The following AATF variants were observed in gnomAD, a reference collection of about 807,000 sequenced individuals.
AATF encodes the protein protein AATF.
A neutral mutation model predicts 63.7 loss-of-function variants in AATF; 48 were observed. The observed-to-expected ratio is 0.75, with a 90% CI of 0.60 to 0.96. AATF has a LOEUF of 0.96. AATF is among the 40% of genes least tolerant of loss of function. The pLI, the probability that AATF is intolerant of heterozygous loss-of-function variation, is 0.00. For missense variants in AATF, 639 were observed against 685.7 expected (o/e 0.93, Z 0.76); for synonymous variants, 258 against 247.7 (o/e 1.04, Z -0.39).
In AATF at chr17:37,005,863, C is replaced by T. The variant is rs1597722344; in HGVS notation, c.1399-13142C>T. The stretch of plus-strand genomic sequence containing the variant: ...GCATGGCTTGCTGGGTACAGTGGCT[C>T]ACTCCTGCAATCCCAACACTTTGGG... On this transcript the variant is annotated intron_variant, in intron 8 of 11. Coordinates refer to ENST00000619387, the MANE Select transcript of AATF (RefSeq NM_012138.4). Among the ~76,000 whole-genome samples, 5 of 152,252 alleles carry T rather than the reference C, an allele frequency of 3.3e-5. 1 individual carries two copies. Among genetic ancestry groups the T allele is most frequent in the Admixed American group, 3.3e-4 (5 of 15,296 alleles).
In AATF at chr17:36,988,769, T is replaced by G. The variant is rs777258349; in HGVS notation, c.1149+49T>G. On this transcript the variant is annotated intron_variant, in intron 6 of 11. Coordinates refer to ENST00000619387, the MANE Select transcript of AATF (RefSeq NM_012138.4). ...TATGTGTAAGATAGGTTGTGGCAAC[T>G]TGAAGAAGTTTTAAGAAATTGGAAC... 4 of 1,564,468 alleles carry G rather than the reference T, an allele frequency of 2.6e-6. No individual in the cohort carries two copies. The African/African-American group carries it at 5.5e-5, about 21-fold the overall frequency.
intron 4 of AATF, among the ~76,000 whole-genome samples, chr17:36,958,420 CT>C (rs1230098743): frequency 6.6e-6 from 1 of 152,114 alleles, no homozygotes; most frequent in African/African-American, 2.4e-5. Context: ...CCACCTTGGC[CT>C]CTCAAAGTGC....
chr17:37,006,767 C>G lies in AATF; in HGVS notation c.1399-12238C>G, dbSNP rs115836780. Among the ~76,000 whole-genome samples the G allele has an allele frequency of 5.4e-3, 819 of 152,286 alleles. 6 individuals are homozygous for G. The highest frequency in any genetic ancestry group is 0.017 in the African/African-American group (727 of 41,566). ...GGCCAAGCTTAGTGAAATATTATGG[C>G]CTTTGAAGTATTTTAGGGCTTGTGC... On this transcript the variant is annotated intron_variant, in intron 8 of 11. Coordinates refer to ENST00000619387, the MANE Select transcript of AATF (RefSeq NM_012138.4).
At chr17:36,999,204 T>A (rs1411532313) in intron 8 of AATF, 1 of 152,184 alleles carries the variant, frequency 6.6e-6, no homozygotes, top group Non-Finnish European at 1.5e-5. Flanking sequence ...AGAGGGTTCA[T>A]TTTGCTATTG....
intron 11 of AATF, among the ~76,000 whole-genome samples, chr17:37,036,571 TAAGA>T (rs2071593930): frequency 1.3e-5 from 2 of 152,120 alleles, no homozygotes; most frequent in Non-Finnish European, 2.9e-5. Flanking sequence ...TTTCTCACGC[TAAGA>T]ATTTTTCTCT....
At chr17:37,005,985 A>T (rs910111100) in intron 8 of AATF, among the ~76,000 whole-genome samples, 6 of 152,050 alleles carry the variant, frequency 3.9e-5, no homozygotes, top group African/African-American at 7.2e-5. Context: ...CAGTAAAAAA[A>T]GTAACCAGGC....
intron 4 of AATF, among the ~76,000 whole-genome samples, chr17:36,956,931 G>A (rs2070905960): frequency 1.3e-5 from 2 of 151,980 alleles, no homozygotes; most frequent in African/African-American, 2.4e-5. Flanking sequence ...AGCTGAGATC[G>A]TGCTAGTGCA....
chr17:37,040,106 A>G (rs1410018521), intron 11 of AATF, among the ~76,000 whole-genome samples: 1 of 152,044 alleles, frequency 6.6e-6, no homozygotes, highest in African/African-American at 2.4e-5. Context: ...TTTTATTATT[A>G]TTGGCTTTCT....
At position 36,989,423 on chromosome 17, in the gene AATF, G is replaced by C. The variant is rs2071196393; in HGVS notation, c.1314+12G>C. The C allele has an allele frequency of 6.3e-7, 1 of 1,595,806 alleles. No individual in the cohort carries two copies. On this transcript the variant is annotated intron_variant, in intron 7 of 11. Transcript: ENST00000619387. Reference sequence around the variant, plus strand: ...TGCCAGGGGAACCGGTAAGAACTCTGTAATGCAGAGTGATTATGGGGAATA... The same window carrying C: ...TGCCAGGGGAACCGGTAAGAACTCTCTAATGCAGAGTGATTATGGGGAATA...
At chr17:37,002,907 T>G (rs1410326982) in intron 8 of AATF, among the ~76,000 whole-genome samples, 2 of 115,068 alleles carry the variant, frequency 1.7e-5, no homozygotes, top group Non-Finnish European at 4.2e-5. Context: ...GTTGCTGTTT[T>G]TTTTTTTTTT....
At chr17:36,976,134 A>G (rs926391947) in intron 4 of AATF, among the ~76,000 whole-genome samples, 1 of 152,108 alleles carries the variant, frequency 6.6e-6, no homozygotes, top group African/African-American at 2.4e-5. Flanking sequence ...TGGGGAGGGA[A>G]GTTTTGTCAT....
rs541464038 is a variant in AATF, at chr17:37,003,824, C to T, written c.1398+12967C>T. ...GGTTCAAGAGAGAATGGGAGGAGGC[C>T]GGGCATGGTGGCTCACACCTGTAAT... On this transcript the variant is annotated intron_variant, in intron 8 of 11. Coordinates refer to ENST00000619387, the MANE Select transcript of AATF (RefSeq NM_012138.4). 4.6e-5 allele frequency among the ~76,000 whole-genome samples: 7 copies of T among 150,598 alleles called. No individual in the cohort carries two copies. The East Asian group carries it at 1.0e-3, about 22-fold the overall frequency.
intron 10 of AATF, among the ~76,000 whole-genome samples, chr17:37,022,145 TGTGTGTGA>T (rs1051396771): frequency 0.017 from 2,486 of 150,388 alleles, 75 homozygotes; most frequent in African/African-American, 0.056. Flanking sequence ...TGTGTGTGTG[TGTGTGTGA>T]GAAACACAGT....
chr17:36,985,804 C>T (rs904864885), intron 4 of AATF, among the ~76,000 whole-genome samples: 16 of 152,110 alleles, frequency 1.1e-4, no homozygotes, highest in Admixed American at 8.5e-4. Flanking sequence ...CCGTCTCGGC[C>T]TCCCAAAGTG....
chr17:36,950,275 A>G lies in AATF; in HGVS notation c.153A>G (p.Leu51=), dbSNP rs2070843187. The G allele has an allele frequency of 6.2e-7, 1 of 1,614,158 alleles. No homozygotes were observed. The highest frequency in any genetic ancestry group is 8.5e-7 in the Non-Finnish European group (1 of 1,180,014). ...GGGAAGATGGGGAAGGTGATTTCCT[A>G]GTAGTGGGTAGCATTAGAAAACTGG... is the stretch of plus-strand genomic sequence containing the variant. ...DEGEDGEGDF[L]VVGSIRKLAS... Residue 51 remains leucine (L), a synonymous_variant, in exon 2 of 12, where the codon CTA becomes CTG. Transcript: ENST00000619387.
rs368390651 is a variant in AATF at position 36,982,133 on chromosome 17, G to A, written c.833-4484G>A. The stretch of plus-strand genomic sequence containing the variant: ...CTAACTGGCTTATTTTACTTAGCAT[G>A]ATGTCCCCAAGGTTTATCCATGTTG... On this transcript the variant is annotated intron_variant, in intron 4 of 11. Coordinates refer to ENST00000619387, the MANE Select transcript of AATF (RefSeq NM_012138.4). Among the ~76,000 whole-genome samples the A allele has an allele frequency of 5.9e-5, 9 of 151,674 alleles. 1 individual carries two copies. In the South Asian group the frequency reaches 1.9e-3, roughly 32 times the overall value.
chr17:36,949,529 G>A (rs1034275051), intron 1 of AATF, among the ~76,000 whole-genome samples: 12 of 152,254 alleles, frequency 7.9e-5, no homozygotes, highest in African/African-American at 2.9e-4. Context: ...TAGCAAGTTG[G>A]AAGTTAGCTT....
chr17:37,011,268 G>A (rs535844407), intron 8 of AATF, among the ~76,000 whole-genome samples: 9 of 152,238 alleles, frequency 5.9e-5, no homozygotes, highest in South Asian at 2.1e-4. Flanking sequence ...CCAGCTACTC[G>A]GGAGGCTGAG....
chr17:37,000,090 G>A (rs967780118), intron 8 of AATF: 1 of 152,320 alleles, frequency 6.6e-6, no homozygotes, highest in African/African-American at 2.4e-5. Context: ...ACTGATGGCT[G>A]TGTTAAGAGT....
Sources: allele counts gnomAD v4.1 joint callset (sites outside exome capture counted in the v4.1 genomes callset), GRCh38; gene constraint gnomAD v4.1.1; transcripts MANE v1.5; gene names NCBI Gene and HGNC (gene_info 2026-07-23, HGNC 2026-07-21).